TGFBR3: variants seen among roughly 807,000 people sequenced by gnomAD.
The protein encoded by TGFBR3 is transforming growth factor beta receptor type 3.
In TGFBR3, 46 loss-of-function variants were observed where a neutral mutation model predicts 87.9. The ratio of observed to expected loss-of-function variants is 0.52; its 90% CI spans 0.41 to 0.67. The LOEUF (loss-of-function observed/expected upper bound fraction) is 0.67, where lower values mean the gene tolerates loss of function less well. Ranked by LOEUF, TGFBR3 falls within the 30% of genes least tolerant of loss-of-function variation. TGFBR3 has a pLI of 0.00. For missense variants in TGFBR3, 866 were observed against 1,041.9 expected (o/e 0.83, Z 2.32); for synonymous variants, 381 against 391.6 (o/e 0.97, Z 0.32).
At chr1:91,893,578 G>T (rs1298794370) in intron 2 of TGFBR3, among the ~76,000 whole-genome samples, 1 of 152,134 alleles carries the variant, frequency 6.6e-6, no homozygotes, top group Non-Finnish European at 1.5e-5. Flanking sequence ...ACTGTGCCCA[G>T]CCCAACTTGT....
In TGFBR3 at chr1:91,904,818, G is replaced by A. The variant is rs554735688; in HGVS notation, c.-175+1008C>T. On this transcript the variant is annotated intron_variant, in intron 1 of 17. Transcript: ENST00000370399. ...TGACCTCAGGTGATCCGCCCACCTC[G>A]GCCTCCCAAAGTGCTGGGACTATAG... Among the ~76,000 whole-genome samples the A allele has an allele frequency of 4.0e-5, 6 of 151,834 alleles. No individual in the cohort carries two copies. The South Asian group carries it at 6.3e-4, about 16-fold the overall frequency.
intron 4 of TGFBR3, among the ~76,000 whole-genome samples, chr1:91,745,132 G>A (rs770434894): frequency 1.2e-4 from 18 of 152,122 alleles, no homozygotes; most frequent in South Asian, 2.1e-4. Context: ...GCTCTAACTC[G>A]CACATCCAAC....
intron 7 of TGFBR3, among the ~76,000 whole-genome samples, chr1:91,726,952 C>T (rs532316041): frequency 6.6e-6 from 1 of 152,132 alleles, no homozygotes; most frequent in East Asian, 1.9e-4. Flanking sequence ...TTTACTTTAC[C>T]AAGTTTCAAC....
intron 4 of TGFBR3, among the ~76,000 whole-genome samples, chr1:91,738,326 G>A (rs1391349079): frequency 3.9e-5 from 6 of 152,122 alleles, no homozygotes; most frequent in Non-Finnish European, 8.8e-5. Context: ...TTGCATATTT[G>A]TCCCCACCTA....
intron 2 of TGFBR3, among the ~76,000 whole-genome samples, chr1:91,826,837 C>A (rs1367224766): frequency 6.6e-6 from 1 of 151,950 alleles, no homozygotes; most frequent in East Asian, 1.9e-4. Flanking sequence ...AGGAGTTCCA[C>A]GGGTCTCATT....
chr1:91,682,425 T>TTA lies in TGFBR3; in HGVS notation c.*1313_*1314insTA, dbSNP rs1553158586. On this transcript the variant is annotated 3_prime_UTR_variant, in exon 17 of 17. Coordinates refer to ENST00000212355, the MANE Select transcript of TGFBR3 (RefSeq NM_003243.5). ...CATTCTTTTTTTTTTTTTTTTTTTTTAACAAGGAGGTATCACTGAGCTTAT... is the reference window on the plus strand; with the variant it reads ...CATTCTTTTTTTTTTTTTTTTTTTTTTAAACAAGGAGGTATCACTGAGCTTAT... 9,118 of 413,852 alleles carry TTA rather than the reference T, an allele frequency of 0.022. 229 individuals are homozygous for TTA. The highest frequency in any genetic ancestry group is 0.03 in the Non-Finnish European group (6,278 of 212,426). The allele number at this position is 413,852 out of a possible 1,614,324, so 25.6% of individuals were successfully genotyped here. A position where few individuals can be genotyped will look rare whatever the true frequency, so the allele number is the denominator to read the frequency against.
rs373680751 is a variant in TGFBR3, at chr1:91,770,403, T to A, written c.247-11653A>T. ...AGTCTCTGATCTGCCACCCTAAATC[T>A]ATACTGCAGTTTACATAATAAATAA... On this transcript the variant is annotated intron_variant, in intron 3 of 16. Coordinates refer to ENST00000212355, the MANE Select transcript of TGFBR3 (RefSeq NM_003243.5). Among the ~76,000 whole-genome samples the A allele has an allele frequency of 1.2e-3, 188 of 152,328 alleles. 4 individuals are homozygous for A. In the South Asian group the frequency reaches 0.036, roughly 30 times the overall value.
chr1:91,813,856 C>T (rs923528455), intron 2 of TGFBR3, among the ~76,000 whole-genome samples: 6 of 152,208 alleles, frequency 3.9e-5, no homozygotes, highest in African/African-American at 1.4e-4. Flanking sequence ...AACTGTTCCA[C>T]CTCAGGTCAT....
At chr1:91,713,045 C>A (rs1464649040) in intron 12 of TGFBR3, among the ~76,000 whole-genome samples, 10 of 152,146 alleles carry the variant, frequency 6.6e-5, no homozygotes, top group Non-Finnish European at 1.3e-4. Flanking sequence ...TCAGAGTAAG[C>A]CTGATGAGAG....
intron 1 of TGFBR3, among the ~76,000 whole-genome samples, chr1:91,871,525 A>T (rs906242617): frequency 6.6e-6 from 1 of 152,234 alleles, no homozygotes; most frequent in African/African-American, 2.4e-5. Context: ...AGGCATGAGA[A>T]GACCTAGGAA....
chr1:91,836,942 C>G (rs76901402), intron 2 of TGFBR3, among the ~76,000 whole-genome samples: 1,546 of 152,288 alleles, frequency 0.01, 28 homozygotes, highest in African/African-American at 0.036. Context: ...TACAAGAATG[C>G]AGGATCCTGT....
rs780800633 is a variant in TGFBR3, at chr1:91,712,272, T to A, written c.2137A>T (p.Met713Leu). 24 of 1,614,172 alleles carry A rather than the reference T, an allele frequency of 1.5e-5. No homozygotes were observed. The East Asian group carries it at 4.9e-4, about 33-fold the overall frequency. ...LQCELTLCTK[M>L]EKHPQKLPKC... ...GGCAACTTCTGGGGGTGCTTCTCCA[T>A]CTTCGTACACAGCGTCAGCTCACAC... Residue 713 changes from methionine (M) to leucine (L), a missense_variant, in exon 13 of 17, where the codon ATG becomes TTG. Coordinates refer to ENST00000212355, the MANE Select transcript of TGFBR3 (RefSeq NM_003243.5).
intron 4 of TGFBR3, among the ~76,000 whole-genome samples, chr1:91,746,156 C>T (rs1673338232): frequency 6.6e-6 from 1 of 152,194 alleles, no homozygotes; most frequent in African/African-American, 2.4e-5. Flanking sequence ...CCTCCAAACA[C>T]AAACATGCAC....
chr1:91,849,569 A>G (rs928544247), intron 2 of TGFBR3, among the ~76,000 whole-genome samples: 1 of 152,076 alleles, frequency 6.6e-6, no homozygotes, highest in Non-Finnish European at 1.5e-5. Context: ...AACAATCCCC[A>G]ACCTCTTTGC....
At chr1:91,750,277 G>A (rs1392475063) in intron 4 of TGFBR3, among the ~76,000 whole-genome samples, 1 of 152,186 alleles carries the variant, frequency 6.6e-6, no homozygotes, top group African/African-American at 2.4e-5. Flanking sequence ...CCTTAACCTA[G>A]CAAGTTAGAA....
At chr1:91,805,573 G>A (rs1490401907) in intron 2 of TGFBR3, among the ~76,000 whole-genome samples, 1 of 152,152 alleles carries the variant, frequency 6.6e-6, no homozygotes, top group Non-Finnish European at 1.5e-5. Context: ...CCCAGACCAC[G>A]GCCACACTGC....
At chr1:91,885,790 C>T (rs955381782) in intron 1 of TGFBR3, 88 bp downstream of exon 1, 12 of 213,828 alleles carry the variant, frequency 5.6e-5, no homozygotes, top group Non-Finnish European at 1.0e-4. Context: ...GCACTGGCAG[C>T]CCGCGCCGCG....
At chr1:91,724,905 G>A (rs1672497171) in intron 7 of TGFBR3, among the ~76,000 whole-genome samples, 1 of 152,182 alleles carries the variant, frequency 6.6e-6, no homozygotes, top group African/African-American at 2.4e-5. Context: ...AATGGCCAGA[G>A]AGCGTAGTGC....
At chr1:91,738,514 C>T (rs1174177559) in intron 4 of TGFBR3, among the ~76,000 whole-genome samples, 1 of 152,210 alleles carries the variant, frequency 6.6e-6, no homozygotes, top group Non-Finnish European at 1.5e-5. Context: ...CCTCCCCCGA[C>T]ACACGTTCTC....
Sources: allele counts gnomAD v4.1 joint callset (sites outside exome capture counted in the v4.1 genomes callset), GRCh38; gene constraint gnomAD v4.1.1; transcripts MANE v1.5; gene names NCBI Gene and HGNC (gene_info 2026-07-23, HGNC 2026-07-21).